The following AGBL4 variants were observed in gnomAD, a reference collection of about 807,000 sequenced individuals.
AGBL4 encodes the protein AGBL carboxypeptidase 4.
AGBL4 carries 58 observed loss-of-function variants against 66.4 expected under a neutral mutation model. The observed-to-expected ratio is 0.87, with a 90% CI of 0.71 to 1.09. The LOEUF (loss-of-function observed/expected upper bound fraction) is 1.09, where lower values mean the gene tolerates loss of function less well. Ranked by LOEUF, AGBL4 falls within the 50% of genes least tolerant of loss-of-function variation. The pLI is 0.00. For synonymous variants in AGBL4, 234 were observed against 222.9 expected (o/e 1.05, Z -0.44); for missense variants, 579 against 631.0 (o/e 0.92, Z 0.88).
intron 4 of AGBL4, among the ~76,000 whole-genome samples, chr1:49,154,812 T>C (rs1258480294): frequency 2.0e-5 from 3 of 152,098 alleles, no homozygotes; most frequent in African/African-American, 7.3e-5. Flanking sequence ...AATTAGTTAT[T>C]TGTAGCTGAA....
intron 4 of AGBL4, among the ~76,000 whole-genome samples, chr1:49,160,253 C>T (rs1432198337): frequency 6.6e-6 from 1 of 152,078 alleles, no homozygotes; most frequent in South Asian, 2.1e-4. Context: ...GTCGATTGGA[C>T]GTCCTTTTTG....
chr1:49,020,037 T>A (rs1663123813), intron 5 of AGBL4, among the ~76,000 whole-genome samples: 1 of 152,172 alleles, frequency 6.6e-6, no homozygotes, highest in African/African-American at 2.4e-5. Context: ...CCCTGAAAAG[T>A]AAGGGTTATT....
chr1:49,388,218 T>A (rs972782647), intron 3 of AGBL4, among the ~76,000 whole-genome samples: 1 of 152,076 alleles, frequency 6.6e-6, no homozygotes, highest in African/African-American at 2.4e-5. Flanking sequence ...GTGGATAAAC[T>A]TTTTCATAAA....
intron 1 of AGBL4, among the ~76,000 whole-genome samples, chr1:49,871,194 G>C (rs1017495666): frequency 6.6e-6 from 1 of 151,608 alleles, no homozygotes; most frequent in African/African-American, 2.4e-5. Flanking sequence ...GGTTTTCTTG[G>C]AACATTAACC....
intron 4 of AGBL4, among the ~76,000 whole-genome samples, chr1:49,222,452 C>T (rs141296174): frequency 1.6e-3 from 236 of 152,222 alleles, no homozygotes; most frequent in African/African-American, 5.3e-3. Context: ...TGGATATGCA[C>T]GTTCTGCATA....
intron 3 of AGBL4, among the ~76,000 whole-genome samples, chr1:49,285,358 C>T (rs557074876): frequency 1.3e-3 from 197 of 151,978 alleles, no homozygotes; most frequent in South Asian, 3.3e-3. Flanking sequence ...ATCTGTGGGA[C>T]GCATTCAGAG....
intron 5 of AGBL4, among the ~76,000 whole-genome samples, chr1:48,989,439 T>C (rs1660435442): frequency 6.6e-6 from 1 of 152,120 alleles, no homozygotes; most frequent in African/African-American, 2.4e-5. Context: ...ATAGTCACCC[T>C]GTTGTGCTAC....
At chr1:49,128,265 C>T (rs191168261) in intron 4 of AGBL4, among the ~76,000 whole-genome samples, 1 of 151,986 alleles carries the variant, frequency 6.6e-6, no homozygotes. Flanking sequence ...TGAAGAGATA[C>T]ATTATGCCAT....
At chr1:48,671,960 C>A (rs1386763078) in intron 6 of AGBL4, among the ~76,000 whole-genome samples, 1 of 152,210 alleles carries the variant, frequency 6.6e-6, no homozygotes, top group East Asian at 1.9e-4. Context: ...GGTTTAGTTT[C>A]AGGCTTATTA....
chr1:48,580,448 C>T (rs1413697915), intron 11 of AGBL4, among the ~76,000 whole-genome samples: 1 of 152,180 alleles, frequency 6.6e-6, no homozygotes, highest in Non-Finnish European at 1.5e-5. Flanking sequence ...TGAGCCAGAC[C>T]CTAACCCCTT....
intron 3 of AGBL4, among the ~76,000 whole-genome samples, chr1:49,597,545 G>C (rs555072133): frequency 1.3e-5 from 2 of 152,256 alleles, no homozygotes; most frequent in South Asian, 4.1e-4. Flanking sequence ...TCATCAGGTT[G>C]GAATAAGTCC....
chr1:48,909,013 A>G (rs967611208), intron 5 of AGBL4, among the ~76,000 whole-genome samples: 7 of 151,928 alleles, frequency 4.6e-5, no homozygotes, highest in Non-Finnish European at 1.5e-5. Context: ...TAGCTTTTAA[A>G]TGATCATTGG....
intron 11 of AGBL4, among the ~76,000 whole-genome samples, chr1:48,574,934 T>C (rs1335310679): frequency 6.6e-6 from 1 of 152,200 alleles, no homozygotes; most frequent in Non-Finnish European, 1.5e-5. Flanking sequence ...GAGTTTGTGC[T>C]CCTGTAGAGA....
chr1:49,491,985 A>T (rs1439126369), intron 3 of AGBL4, among the ~76,000 whole-genome samples: 3 of 151,944 alleles, frequency 2.0e-5, no homozygotes, highest in African/African-American at 7.2e-5. Flanking sequence ...TAATAATAAA[A>T]TAGAATAATT....
chr1:49,233,966 C>T (rs35117642), intron 4 of AGBL4, among the ~76,000 whole-genome samples: 17,765 of 152,120 alleles, frequency 0.12, 1,174 homozygotes, highest in East Asian at 0.31. Flanking sequence ...TAATAGAAAG[C>T]TCCCATGTGG....
chr1:48,876,023 C>T (rs538581925), intron 5 of AGBL4, among the ~76,000 whole-genome samples: 22 of 152,262 alleles, frequency 1.4e-4, no homozygotes, highest in African/African-American at 4.6e-4. Flanking sequence ...ACACCACACA[C>T]CTGGAGCAGC....
chr1:49,149,099 C>T (rs980182429), intron 4 of AGBL4, among the ~76,000 whole-genome samples: 8 of 152,206 alleles, frequency 5.3e-5, no homozygotes, highest in African/African-American at 1.7e-4. Context: ...AATCAAGGTG[C>T]TGTCTCCAGG....
intron 11 of AGBL4, among the ~76,000 whole-genome samples, chr1:48,575,361 A>G (rs1187024587): frequency 6.6e-6 from 1 of 152,182 alleles, no homozygotes; most frequent in Non-Finnish European, 1.5e-5. Context: ...TTAAAGATGA[A>G]AAGAGTTAGA....
chr1:49,210,336 C>T (rs1188190994), intron 4 of AGBL4, among the ~76,000 whole-genome samples: 1 of 152,048 alleles, frequency 6.6e-6, no homozygotes, highest in Admixed American at 6.6e-5. Context: ...GATTTGATCA[C>T]AAGACTGACT....
Sources: gnomAD v4.1 joint callset for allele counts (sites outside exome capture counted in the v4.1 genomes callset) on GRCh38, gnomAD v4.1.1 for gene constraint, MANE v1.5 for transcripts, NCBI Gene and HGNC (gene_info 2026-07-23, HGNC 2026-07-21) for gene names.